Variants in DST observed in about 807,000 individuals in gnomAD.
DST encodes the protein bullous pemphigoid antigen.
A neutral mutation model predicts 875.2 loss-of-function variants in DST; 253 were observed. The ratio of observed to expected loss-of-function variants is 0.29; its 90% CI spans 0.26 to 0.32. The LOEUF is 0.32. Among genes scored for constraint, DST ranks in the 10% least tolerant of loss-of-function variants. DST has a pLI of 1.00. For missense variants in DST, 8,287 were observed against 9,111.6 expected, an observed-to-expected ratio of 0.91 and a Z score of 3.68; for synonymous variants, 3,124 against 3,197.1, an observed-to-expected ratio of 0.98 and a Z score of 0.77.
At chr6:56,844,697 A>C (rs1200808721) in intron 4 of DST, among the ~76,000 whole-genome samples, 1 of 152,104 alleles carries the variant, frequency 6.6e-6, no homozygotes, top group Non-Finnish European at 1.5e-5. Context: ...AAATGGTGAA[A>C]TCCCGTCTCT....
chr6:56,671,338 C>T (rs1368280798), intron 9 of DST, among the ~76,000 whole-genome samples: 1 of 152,300 alleles, frequency 6.6e-6, no homozygotes, highest in African/African-American at 2.4e-5. Context: ...TTACTCTATA[C>T]TACCACCTGC....
chr6:56,814,930 G>T (rs1279869328), intron 4 of DST, among the ~76,000 whole-genome samples: 1 of 152,098 alleles, frequency 6.6e-6, no homozygotes, highest in Non-Finnish European at 1.5e-5. Context: ...CAAGATAAAT[G>T]AGAGGCAGGA....
chr6:56,526,012 C>T (rs1584039479), intron 69 of DST, among the ~76,000 whole-genome samples: 1 of 152,180 alleles, frequency 6.6e-6, no homozygotes, highest in Non-Finnish European at 1.5e-5. Flanking sequence ...TATTTACTCA[C>T]ATACAGATTA....
chr6:56,807,270 C>T (rs1029786395), intron 4 of DST, among the ~76,000 whole-genome samples: 1 of 152,168 alleles, frequency 6.6e-6, no homozygotes, highest in African/African-American at 2.4e-5. Flanking sequence ...AAGCGATCCA[C>T]CCACCTTGGC....
At chr6:56,701,195 TCTCA>T (rs1421043484) in intron 8 of DST, among the ~76,000 whole-genome samples, 3 of 151,998 alleles carry the variant, frequency 2.0e-5, no homozygotes, top group Non-Finnish European at 2.9e-5. Context: ...CCCCTCTGAC[TCTCA>T]CTGTCTTCAA....
At chr6:56,780,899 T>C (rs1007405560) in intron 4 of DST, among the ~76,000 whole-genome samples, 3 of 152,236 alleles carry the variant, frequency 2.0e-5, no homozygotes, top group African/African-American at 7.2e-5. Context: ...GAATTAATTT[T>C]TGTATAAGGT....
chr6:56,620,512 C>T, intron 36 of DST: 1 of 1,614,096 alleles, frequency 6.2e-7, no homozygotes, highest in African/African-American at 1.3e-5. Flanking sequence ...TTCTCTGCTG[C>T]TTTCTCAATT....
intron 60 of DST, among the ~76,000 whole-genome samples, chr6:56,554,241 C>T (rs1054082739): frequency 1.6e-4 from 24 of 151,702 alleles, no homozygotes; most frequent in Non-Finnish European, 5.9e-5. Flanking sequence ...CCCGCCACCA[C>T]GCCCGGCTAA....
chr6:56,516,275 T>C (rs2096592666), intron 71 of DST, among the ~76,000 whole-genome samples: 1 of 152,072 alleles, frequency 6.6e-6, no homozygotes, highest in Non-Finnish European at 1.5e-5. Flanking sequence ...GTCACAGTGA[T>C]CTAGATTATG....
intron 2 of DST, among the ~76,000 whole-genome samples, chr6:56,930,188 A>T (rs1188350096): frequency 6.6e-6 from 1 of 152,262 alleles, no homozygotes; most frequent in African/African-American, 2.4e-5. Flanking sequence ...CTCAGTGCCT[A>T]GCCAACAGGC....
At chr6:56,944,786 T>C (rs1337580095) in intron 2 of DST, among the ~76,000 whole-genome samples, 1 of 152,188 alleles carries the variant, frequency 6.6e-6, no homozygotes, top group African/African-American at 2.4e-5. Context: ...CTACAGACAC[T>C]AGAAAAGATA....
At chr6:56,479,792 G>A (rs1286709463) in intron 90 of DST, among the ~76,000 whole-genome samples, 8 of 152,172 alleles carry the variant, frequency 5.3e-5, no homozygotes, top group Admixed American at 4.6e-4. Context: ...GAGGATCACA[G>A]GGGCCTGAGA....
At chr6:56,598,849 T>A in intron 45 of DST, 140 bp from the exon 46 acceptor site, 2 of 431,486 alleles carry the variant, frequency 4.6e-6, no homozygotes, top group Non-Finnish European at 8.0e-6. Flanking sequence ...AGTATGTTAA[T>A]TTGAGTTTCA....
At position 56,603,552 on chromosome 6, in the gene DST, G is replaced by C; in HGVS notation, c.10941+12C>G. 6.2e-7 allele frequency: 1 copy of C among 1,602,366 alleles called. No individual in the cohort carries two copies. The highest frequency in any genetic ancestry group is 8.5e-7 in the Non-Finnish European group (1 of 1,175,704). ...GACTACCATCCATAAAGAGGCAGTA[G>C]ACAATTCTTACCTCCAACTGTCTAA... is the stretch of plus-strand genomic sequence containing the variant. On this transcript the variant is annotated intron_variant, in intron 41 of 103. Coordinates refer to ENST00000680361, the MANE Select transcript of DST (RefSeq NM_001374736.1).
Position 56,562,202 on chromosome 6 carries a change from T to C in DST, c.14006-2A>G, listed in dbSNP as rs865928996. On this transcript the variant is annotated splice_acceptor_variant, in intron 55 of 103. Transcript: ENST00000680361. LOFTEE classifies it high-confidence loss of function. ...CTTCACCATTTAATACTGCTCCACCTGCAAAAATAGTAACACTAAAATAAT... is the reference window on the plus strand; with the variant it reads ...CTTCACCATTTAATACTGCTCCACCCGCAAAAATAGTAACACTAAAATAAT... 1 of 1,530,960 alleles carries C rather than the reference T, an allele frequency of 6.5e-7. No homozygotes were observed. The highest frequency in any genetic ancestry group is 8.8e-7 in the Non-Finnish European group (1 of 1,136,180). 94.8% of individuals were successfully genotyped at this position (1,530,960 alleles called of 1,614,324 possible).
intron 3 of DST, among the ~76,000 whole-genome samples, chr6:56,881,702 C>T (rs1782292493): frequency 6.6e-6 from 1 of 152,076 alleles, no homozygotes; most frequent in African/African-American, 2.4e-5. Flanking sequence ...CAGCCTTTTA[C>T]TCCTAAAAAC....
At position 56,594,069 on chromosome 6, in the gene DST, T is replaced by C. The variant is rs756279879; in HGVS notation, c.12320A>G (p.Asn4107Ser). The C allele has an allele frequency of 6.2e-7, 1 of 1,612,566 alleles. No individual in the cohort carries two copies. The change falls in exon 48 of 104, where the codon AAC becomes AGC. Residue 4107 changes from asparagine to serine, a missense_variant. Asn to Ser is a conservative substitution (Grantham distance 46). Coordinates refer to ENST00000680361, the MANE Select transcript of DST (RefSeq NM_001374736.1). ...ATAATGCACTTTCAGTTCCTTCATG[T>C]TCTTTTGCAGTTTCTCTTTTTCTTC... is the stretch of plus-strand genomic sequence containing the variant. ...SPEEKEKLQK[N>S]MKELKVHYET...
At position 56,517,267 on chromosome 6, in the gene DST, A is replaced by C; in HGVS notation, c.18288T>G (p.Ile6096Met). ...TMEILRHKDI[I>M]DDLVKSGHKI... ...TATGCCCAGATTTAACAAGGTCATCAATAATATCCTTGTGTCTCAAAATCT... is the reference window on the plus strand; with the variant it reads ...TATGCCCAGATTTAACAAGGTCATCCATAATATCCTTGTGTCTCAAAATCT... Residue 6096 changes from isoleucine (I) to methionine (M), a missense_variant, in exon 71 of 104, where the codon ATT becomes ATG. Ile to Met is a conservative substitution (Grantham distance 10, BLOSUM62 1). This residue lies in a region of DST where 1,292 missense variants were observed against 1,552.7 expected (regional missense o/e 0.83). Transcript: ENST00000680361. The C allele has an allele frequency of 6.2e-7, 1 of 1,613,216 alleles. No individual in the cohort carries two copies. Among genetic ancestry groups the C allele is most frequent in the African/African-American group, 1.3e-5 (1 of 75,030 alleles).
At chr6:56,654,604 A>ATATATATATATATATATATATATATC (rs2098995371) in intron 10 of DST, among the ~76,000 whole-genome samples, 2 of 150,314 alleles carry the variant, frequency 1.3e-5, no homozygotes, top group African/African-American at 5.0e-5. Context: ...ATATATATAT[A>ATATATATATATATATATATATATATC]TCTCCACACG....
Sources: allele counts gnomAD v4.1 joint callset (sites outside exome capture counted in the v4.1 genomes callset), GRCh38; gene constraint gnomAD v4.1.1; regional missense constraint gnomAD v4.1.1; transcripts MANE v1.5; gene names NCBI Gene and HGNC (gene_info 2026-07-23, HGNC 2026-07-21).